Variants in CIMIP6 observed in about 807,000 individuals in gnomAD.
The protein encoded by CIMIP6 is uncharacterized protein C2orf73.
the CIMIP6 span, among the ~76,000 whole-genome samples, chr2:54,374,939 G>C: frequency 2.0e-5 from 3 of 152,132 alleles, no homozygotes; most frequent in Non-Finnish European, 2.9e-5. Flanking sequence ...AATCTTACTG[G>C]AGAATTATTT....
the CIMIP6 span, among the ~76,000 whole-genome samples, chr2:54,342,985 A>G: frequency 3.3e-5 from 5 of 152,226 alleles, no homozygotes; most frequent in East Asian, 7.7e-4. Flanking sequence ...ATTGTCATAC[A>G]TGCTAATGAA....
At chr2:54,347,861 T>A in the CIMIP6 span, among the ~76,000 whole-genome samples, 1 of 152,196 alleles carries the variant, frequency 6.6e-6, no homozygotes, top group African/African-American at 2.4e-5. Flanking sequence ...ATTGGCTTAA[T>A]TTTTACCCCA....
chr2:54,343,865 G>A, the CIMIP6 span: 2 of 1,598,822 alleles, frequency 1.3e-6, no homozygotes, highest in South Asian at 1.1e-5. Context: ...AAGCCTTCTT[G>A]TGGAATAGGT....
chr2:54,347,223 A>G, the CIMIP6 span, among the ~76,000 whole-genome samples: 4 of 152,238 alleles, frequency 2.6e-5, no homozygotes, highest in Admixed American at 2.6e-4. Context: ...TATAGGCAAA[A>G]TAACTAAGAG....
the CIMIP6 span, among the ~76,000 whole-genome samples, chr2:54,375,554 A>G: frequency 1.3e-5 from 2 of 152,242 alleles, no homozygotes; most frequent in Admixed American, 1.3e-4. Flanking sequence ...GACAAAAGTT[A>G]TCAAAATTGT....
chr2:54,382,113 T>C, the CIMIP6 span: 1 of 1,183,732 alleles, frequency 8.4e-7, no homozygotes, highest in Non-Finnish European at 1.1e-6. Flanking sequence ...AATTTCCTAC[T>C]ATAGAAATGT....
the CIMIP6 span, among the ~76,000 whole-genome samples, chr2:54,342,514 T>C: frequency 6.6e-6 from 1 of 152,290 alleles, no homozygotes; most frequent in South Asian, 2.1e-4. Flanking sequence ...ACTCCATTAA[T>C]TATTTTTTAA....
the CIMIP6 span, among the ~76,000 whole-genome samples, chr2:54,343,341 T>C: frequency 6.6e-6 from 1 of 152,176 alleles, no homozygotes; most frequent in African/African-American, 2.4e-5. Flanking sequence ...ATTATTTGTA[T>C]TGTCATAATG....
chr2:54,382,054 C>T, the CIMIP6 span: 3 of 1,413,154 alleles, frequency 2.1e-6, no homozygotes, highest in Non-Finnish European at 1.8e-6. Context: ...AGCTCACTCC[C>T]TAAGTGGCTG....
chr2:54,379,564 G>C, the CIMIP6 span, among the ~76,000 whole-genome samples: 2 of 152,152 alleles, frequency 1.3e-5, no homozygotes, highest in African/African-American at 2.4e-5. Flanking sequence ...GAAAGTCCAG[G>C]CATGGTGGCT....
At chr2:54,331,107 C>T in the CIMIP6 span, 3 of 1,080,458 alleles carry the variant, frequency 2.8e-6, no homozygotes, top group East Asian at 2.5e-5. Context: ...GCTCAGACAG[C>T]CCCCTTGCTT....
chr2:54,337,347 A>AT, the CIMIP6 span, among the ~76,000 whole-genome samples: 1 of 152,194 alleles, frequency 6.6e-6, no homozygotes. Context: ...TAAGGGCCAT[A>AT]TTGAGGGTAC....
chr2:54,375,928 C>T, the CIMIP6 span, among the ~76,000 whole-genome samples: 3 of 151,284 alleles, frequency 2.0e-5, no homozygotes, highest in Non-Finnish European at 4.4e-5. Flanking sequence ...GGTTACTCAC[C>T]ATAATGTGAC....
the CIMIP6 span, among the ~76,000 whole-genome samples, chr2:54,365,643 C>T: frequency 6.6e-6 from 1 of 152,156 alleles, no homozygotes; most frequent in Non-Finnish European, 1.5e-5. Context: ...CCTGAGGCCT[C>T]ACTAAAGCCA....
At chr2:54,334,220 ATATTT>A in the CIMIP6 span, among the ~76,000 whole-genome samples, 1 of 152,164 alleles carries the variant, frequency 6.6e-6, no homozygotes, top group Non-Finnish European at 1.5e-5. Context: ...CATTTTTAAA[ATATTT>A]TATTTTAGTA....
the CIMIP6 span, among the ~76,000 whole-genome samples, chr2:54,357,609 C>T: frequency 7.0e-6 from 1 of 143,558 alleles, no homozygotes; most frequent in East Asian, 2.0e-4. Flanking sequence ...CACAGTCTTG[C>T]TCTGTCACCC....
chr2:54,360,470 G>A, the CIMIP6 span: 1 of 1,580,646 alleles, frequency 6.3e-7, no homozygotes, highest in Admixed American at 1.8e-5. Context: ...TGAGAGCAGA[G>A]AAAAGACCTC....
At chr2:54,380,170 G>A in the CIMIP6 span, among the ~76,000 whole-genome samples, 1 of 151,812 alleles carries the variant, frequency 6.6e-6, no homozygotes, top group Non-Finnish European at 1.5e-5. Flanking sequence ...AAAGAAGGAA[G>A]GAAAATAAAT....
At chr2:54,366,330 T>A in the CIMIP6 span, among the ~76,000 whole-genome samples, 2 of 152,162 alleles carry the variant, frequency 1.3e-5, no homozygotes, top group East Asian at 1.9e-4. Context: ...AATGCAAGGA[T>A]CCTTGAGCCC....
Sources: allele counts gnomAD v4.1 joint callset (sites outside exome capture counted in the v4.1 genomes callset), GRCh38; gene constraint gnomAD v4.1.1; transcripts MANE v1.5; gene names NCBI Gene and HGNC (gene_info 2026-07-23, HGNC 2026-07-21).